DCAF6: variants seen among roughly 807,000 people sequenced by gnomAD.
The protein encoded by DCAF6 is DDB1- and CUL4-associated factor 6.
Under a neutral mutation model 125.1 loss-of-function variants are expected in DCAF6, and 54 were observed. The observed-to-expected ratio is 0.43, with a 90% CI of 0.35 to 0.54. The LOEUF is 0.54. Among genes scored for constraint, DCAF6 ranks in the 20% least tolerant of loss-of-function variants. The pLI is 0.01. For synonymous variants in DCAF6, 371 were observed against 390.4 expected (o/e 0.95, Z 0.58); for missense variants, 934 against 1,161.7 (o/e 0.80, Z 2.85).
At chr1:167,949,961 A>G (rs548379755) in intron 1 of DCAF6, among the ~76,000 whole-genome samples, 2 of 152,204 alleles carry the variant, frequency 1.3e-5, no homozygotes, top group Non-Finnish European at 2.9e-5. Flanking sequence ...AATAAATTTT[A>G]TCTCCAAAGT....
intron 10 of DCAF6, among the ~76,000 whole-genome samples, chr1:168,012,403 T>A (rs1684427966): frequency 1.3e-5 from 2 of 152,228 alleles, no homozygotes; most frequent in South Asian, 4.1e-4. Flanking sequence ...AAAGTACAAT[T>A]TTCCTGTGGC....
At chr1:167,867,960 C>T in the DCAF6 span, among the ~76,000 whole-genome samples, 9 of 152,082 alleles carry the variant, frequency 5.9e-5, no homozygotes, top group Admixed American at 5.9e-4. Flanking sequence ...GCTGCAACCC[C>T]TTGAAATTAG....
In DCAF6 at chr1:168,004,469, GT is replaced by G. The variant is rs1289274199; in HGVS notation, c.1118-61del. 4 of 1,496,374 alleles carry G rather than the reference GT, an allele frequency of 2.7e-6. No individual in the cohort carries two copies. The Admixed American group carries it at 5.2e-5, about 19-fold the overall frequency. The allele number at this position is 1,496,374 out of a possible 1,614,324, so 92.7% of individuals were successfully genotyped here. A position where few individuals can be genotyped will look rare whatever the true frequency, so the allele number is the denominator to read the frequency against. On this transcript the variant is annotated intron_variant, in intron 9 of 21. Transcript: ENST00000367840. ...ATAAATGTGTTTTCTGAGCATATCT[GT>G]TTAGAGTTGTTGGTTTTAGAAAATA... is the stretch of plus-strand genomic sequence containing the variant.
chr1:167,905,462 G>A, the DCAF6 span, among the ~76,000 whole-genome samples: 3 of 152,232 alleles, frequency 2.0e-5, no homozygotes, highest in African/African-American at 7.2e-5. Flanking sequence ...TTTGCAGGAA[G>A]GGGTAGGCCC....
chr1:168,049,961 ATT>A (rs543375182), intron 16 of DCAF6, among the ~76,000 whole-genome samples: 11 of 139,738 alleles, frequency 7.9e-5, no homozygotes, highest in African/African-American at 1.0e-4. Flanking sequence ...AGGCTGTATA[ATT>A]TTTTTTTTTT....
At chr1:167,880,668 G>A in the DCAF6 span, 1 of 1,312,808 alleles carries the variant, frequency 7.6e-7, no homozygotes, top group Non-Finnish European at 1.1e-6. Context: ...AACTGGACTG[G>A]CCAGAAGGCT....
At chr1:167,910,214 T>C in the DCAF6 span, among the ~76,000 whole-genome samples, 2 of 152,218 alleles carry the variant, frequency 1.3e-5, no homozygotes, top group Non-Finnish European at 2.9e-5. Flanking sequence ...TGTTTCCTTG[T>C]TGGTACTAAG....
chr1:167,944,729 A>G (rs1672801089), intron 1 of DCAF6, among the ~76,000 whole-genome samples: 1 of 152,166 alleles, frequency 6.6e-6, no homozygotes, highest in African/African-American at 2.4e-5. Context: ...AATAATTTGC[A>G]GATATTTTCT....
intron 10 of DCAF6, among the ~76,000 whole-genome samples, chr1:168,006,905 TTC>T (rs1231835864): frequency 2.0e-5 from 3 of 152,198 alleles, no homozygotes; most frequent in African/African-American, 7.2e-5. Context: ...ATTGTCTGCC[TTC>T]TCTTAGTCTA....
intron 2 of DCAF6, among the ~76,000 whole-genome samples, chr1:167,952,489 T>C (rs1199653874): frequency 6.6e-6 from 1 of 152,206 alleles, no homozygotes; most frequent in Non-Finnish European, 1.5e-5. Context: ...GTGCTGGGAT[T>C]ACAGGTGTGA....
At chr1:167,868,690 C>A in the DCAF6 span, among the ~76,000 whole-genome samples, 1 of 152,136 alleles carries the variant, frequency 6.6e-6, no homozygotes, top group Non-Finnish European at 1.5e-5. Context: ...TACAAATAGG[C>A]GAACTCCTGG....
rs146619486 is a variant in DCAF6 at position 168,013,812 on chromosome 1, C to T, written c.1379-1969C>T. ...CCGGGCTGGAGTGCAATGGTGCAGT[C>T]GTGGCTTACTGCAGCCTTGACCTCC... On this transcript the variant is annotated intron_variant, in intron 10 of 21. Transcript: ENST00000367840. Among the ~76,000 whole-genome samples, 477 of 152,126 alleles carry T rather than the reference C, an allele frequency of 3.1e-3. 7 individuals carry two copies. Among genetic ancestry groups the T allele is most frequent in the African/African-American group, 0.011 (455 of 41,486 alleles).
At chr1:167,875,827 C>T in the DCAF6 span, among the ~76,000 whole-genome samples, 2 of 152,128 alleles carry the variant, frequency 1.3e-5, no homozygotes, top group South Asian at 2.1e-4. Context: ...GTGGCGGTTG[C>T]CTGTAGTCCC....
the DCAF6 span, among the ~76,000 whole-genome samples, chr1:167,929,293 A>G: frequency 2.0e-5 from 3 of 152,134 alleles, no homozygotes; most frequent in African/African-American, 7.2e-5. Context: ...CAGGAGGCAG[A>G]GGTTGCAGTG....
At chr1:167,923,638 C>T in the DCAF6 span, among the ~76,000 whole-genome samples, 1 of 151,606 alleles carries the variant, frequency 6.6e-6, no homozygotes, top group South Asian at 2.1e-4. Flanking sequence ...GTACTTAACG[C>T]TACTGAACTG....
At chr1:167,896,468 G>C in the DCAF6 span, 2 of 794,470 alleles carry the variant, frequency 2.5e-6, no homozygotes, top group Non-Finnish European at 4.5e-6. Flanking sequence ...GGTCCCCTTT[G>C]TGTGCTGGTA....
the DCAF6 span, among the ~76,000 whole-genome samples, chr1:167,874,636 T>TAC: frequency 6.6e-6 from 1 of 152,228 alleles, no homozygotes; most frequent in African/African-American, 2.4e-5. Context: ...CAGAAATGCA[T>TAC]ACATGCATTC....
intron 2 of DCAF6, among the ~76,000 whole-genome samples, chr1:167,957,996 T>C (rs1199311477): frequency 2.6e-5 from 4 of 152,176 alleles, no homozygotes; most frequent in Non-Finnish European, 5.9e-5. Context: ...ATTGTTTGTC[T>C]TTTTGTTGTT....
the DCAF6 span, among the ~76,000 whole-genome samples, chr1:167,918,686 C>T: frequency 0.21 from 31,068 of 148,564 alleles, 3,819 homozygotes; most frequent in Admixed American, 0.37. Flanking sequence ...CTCTGCCTCC[C>T]GGGTTCACGC....
Sources: gnomAD v4.1 joint callset for allele counts (sites outside exome capture counted in the v4.1 genomes callset) on GRCh38, gnomAD v4.1.1 for gene constraint, MANE v1.5 for transcripts, NCBI Gene and HGNC (gene_info 2026-07-23, HGNC 2026-07-21) for gene names.